The following SMIM14 variants were observed in gnomAD, a reference collection of about 807,000 sequenced individuals.
The protein encoded by SMIM14 is small integral membrane protein 14.
SMIM14 carries 5 observed loss-of-function variants against 12.6 expected under a neutral mutation model. The observed-to-expected ratio is 0.40, with a 90% CI of 0.21 to 0.83. The LOEUF (loss-of-function observed/expected upper bound fraction) is 0.83, where lower values mean the gene tolerates loss of function less well. Among genes scored for constraint, SMIM14 ranks in the 40% least tolerant of loss-of-function variants. The pLI is 0.37. For synonymous variants in SMIM14, 30 were observed against 40.1 expected, an observed-to-expected ratio of 0.75 and a Z score of 0.95; for missense variants, 86 against 119.1, an observed-to-expected ratio of 0.72 and a Z score of 1.29.
At chr4:39,605,027 G>C (rs1714751613) in intron 2 of SMIM14, 44 bp downstream of exon 2, 1 of 1,161,888 alleles carries the variant, frequency 8.6e-7, no homozygotes, top group Non-Finnish European at 1.3e-6. Flanking sequence ...AGGATACAAG[G>C]GATACAGATC....
intron 3 of SMIM14, among the ~76,000 whole-genome samples, chr4:39,559,183 A>C (rs1389357552): frequency 2.6e-5 from 4 of 152,070 alleles, no homozygotes; most frequent in Non-Finnish European, 5.9e-5. Context: ...GTGATACCTC[A>C]CAAGAGAAAC....
intron 2 of SMIM14, among the ~76,000 whole-genome samples, chr4:39,591,312 T>G (rs548466980): frequency 7.9e-5 from 12 of 152,214 alleles, no homozygotes; most frequent in African/African-American, 2.9e-4. Context: ...GTCCGTGATA[T>G]GAGATAATAC....
At chr4:39,602,360 C>T (rs369448962) in intron 2 of SMIM14, among the ~76,000 whole-genome samples, 54 of 151,506 alleles carry the variant, frequency 3.6e-4, no homozygotes, top group Non-Finnish European at 5.9e-4. Flanking sequence ...TTTGGGAGGC[C>T]GAGGCAGGCG....
intron 1 of SMIM14, among the ~76,000 whole-genome samples, chr4:39,613,000 TAAAG>T (rs144367290): frequency 6.6e-6 from 1 of 152,352 alleles, no homozygotes; most frequent in Non-Finnish European, 1.5e-5. Context: ...TTGGCTTTTA[TAAAG>T]AAAGGGAGAC....
At chr4:39,625,655 G>A (rs1464063159) in intron 1 of SMIM14, among the ~76,000 whole-genome samples, 1 of 152,118 alleles carries the variant, frequency 6.6e-6, no homozygotes, top group African/African-American at 2.4e-5. Flanking sequence ...TGGTCAGGCT[G>A]GTCTCAAACT....
chr4:39,596,008 T>C (rs558683613), intron 2 of SMIM14, among the ~76,000 whole-genome samples: 60 of 152,258 alleles, frequency 3.9e-4, no homozygotes, highest in African/African-American at 1.4e-3. Context: ...TCACATGGTT[T>C]TAAAATATAA....
chr4:39,588,725 T>C (rs748897252), intron 2 of SMIM14, among the ~76,000 whole-genome samples: 1 of 151,984 alleles, frequency 6.6e-6, no homozygotes, highest in Non-Finnish European at 1.5e-5. Flanking sequence ...TCTAGGAAAG[T>C]AGGAAATAAA....
At chr4:39,581,644 C>T (rs1371118770) in intron 2 of SMIM14, among the ~76,000 whole-genome samples, 2 of 137,780 alleles carry the variant, frequency 1.5e-5, no homozygotes, top group Non-Finnish European at 3.1e-5. Context: ...GCTCAAGTGA[C>T]GATCCTCAGC....
intron 2 of SMIM14, among the ~76,000 whole-genome samples, chr4:39,577,247 A>G (rs895141982): frequency 6.6e-6 from 1 of 152,034 alleles, no homozygotes; most frequent in African/African-American, 2.4e-5. Flanking sequence ...TATCTATAGA[A>G]CCAATTACTC....
chr4:39,572,392 C>A, intron 3 of SMIM14, 23 bp downstream of exon 3: 1 of 1,523,022 alleles, frequency 6.6e-7, no homozygotes, highest in South Asian at 1.1e-5. Context: ...TGCCATCCTT[C>A]CTCCTGTCTC....
intron 2 of SMIM14, among the ~76,000 whole-genome samples, chr4:39,582,949 C>T (rs1307875393): frequency 6.6e-6 from 1 of 152,048 alleles, no homozygotes; most frequent in East Asian, 1.9e-4. Context: ...CCCACCATCA[C>T]ACCCGGCTAA....
chr4:39,584,793 C>CAAAAAAAAAAAA (rs34970724), intron 2 of SMIM14, among the ~76,000 whole-genome samples: 4 of 76,290 alleles, frequency 5.2e-5, no homozygotes, highest in African/African-American at 1.6e-4. Context: ...AGGACCTTGT[C>CAAAAAAAAAAAA]AAAAAAAAAA....
intron 1 of SMIM14, among the ~76,000 whole-genome samples, chr4:39,616,042 T>C (rs1455805973): frequency 6.6e-6 from 1 of 152,248 alleles, no homozygotes; most frequent in East Asian, 1.9e-4. Flanking sequence ...GCTAATAGTA[T>C]CTCTATAGTA....
chr4:39,552,441 G>A lies in SMIM14; in HGVS notation c.268-283C>T, dbSNP rs191818252. On this transcript the variant is annotated intron_variant, in intron 4 of 4. Transcript: ENST00000295958. ...GTAGAATGGAAGAGAGAGGGAATTT[G>A]TACAACAGTGATGTTATCACTCCTG... 1.0e-3 allele frequency among the ~76,000 whole-genome samples: 155 copies of A among 152,212 alleles called. 1 individual carries two copies. The highest frequency in any genetic ancestry group is 1.5e-3 in the Non-Finnish European group (99 of 68,014).
intron 2 of SMIM14, among the ~76,000 whole-genome samples, chr4:39,576,421 C>T (rs1047045362): frequency 6.6e-6 from 1 of 150,596 alleles, no homozygotes; most frequent in African/African-American, 2.5e-5. Context: ...AAGTACATGA[C>T]TAGGAGGTCC....
chr4:39,630,589 C>T (rs1222132304), intron 1 of SMIM14, among the ~76,000 whole-genome samples: 3 of 152,052 alleles, frequency 2.0e-5, no homozygotes, highest in Non-Finnish European at 2.9e-5. Flanking sequence ...GGGCCAGGCG[C>T]GGTGGCTCAC....
At chr4:39,616,427 G>A (rs958172605) in intron 1 of SMIM14, among the ~76,000 whole-genome samples, 10 of 152,156 alleles carry the variant, frequency 6.6e-5, no homozygotes, top group African/African-American at 2.2e-4. Flanking sequence ...GAGCCACCGC[G>A]CCTGGCCACA....
intron 2 of SMIM14, among the ~76,000 whole-genome samples, chr4:39,573,195 A>C (rs919277089): frequency 7.9e-5 from 12 of 151,948 alleles, no homozygotes; most frequent in Non-Finnish European, 1.5e-4. Context: ...TCCCAGGTTC[A>C]AGCGATTCTC....
intron 2 of SMIM14, chr4:39,592,607 C>G (rs1714161386): frequency 1.3e-5 from 2 of 152,170 alleles, no homozygotes; most frequent in South Asian, 4.2e-4. Context: ...TGAACAGCTA[C>G]ATTGTAGTGT....
Sources: allele counts gnomAD v4.1 joint callset (sites outside exome capture counted in the v4.1 genomes callset), GRCh38; gene constraint gnomAD v4.1.1; transcripts MANE v1.5; gene names NCBI Gene and HGNC (gene_info 2026-07-23, HGNC 2026-07-21).